Variants in BCAS3 observed in about 807,000 individuals in gnomAD.
BCAS3 encodes the protein BCAS4/BCAS3 fusion.
A neutral mutation model predicts 116.1 loss-of-function variants in BCAS3; 53 were observed. That is an observed-to-expected ratio of 0.46 (90% CI 0.37 to 0.57). BCAS3 has a LOEUF of 0.57. BCAS3 is among the 20% of genes least tolerant of loss of function. The pLI, the probability that BCAS3 is intolerant of heterozygous loss-of-function variation, is 0.00. For synonymous variants in BCAS3, 391 were observed against 408.2 expected (o/e 0.96, Z 0.51); for missense variants, 917 against 1,165.4 (o/e 0.79, Z 3.10).
At chr17:60,908,718 A>ACTGT (rs2058325608) in intron 11 of BCAS3, among the ~76,000 whole-genome samples, 2 of 152,204 alleles carry the variant, frequency 1.3e-5, no homozygotes, top group African/African-American at 4.8e-5. Context: ...TTTTAGCACT[A>ACTGT]AACAAAACAG....
Position 61,248,267 on chromosome 17 carries a change from T to C in BCAS3, c.2426-120060T>C, listed in dbSNP as rs72832600. ...ACTGGAGCACATAAAGGCCTGATTT[T>C]TTCTTCTGAGTTGGATTGGATGGTT... On this transcript the variant is annotated intron_variant, in intron 22 of 23. Transcript: ENST00000407086. The surrounding 1 kb of genome is among the most constrained non-coding windows in gnomAD (Gnocchi z 4.3). 0.02 allele frequency among the ~76,000 whole-genome samples: 3,060 copies of C among 152,296 alleles called. 50 individuals carry two copies. Among genetic ancestry groups the C allele is most frequent in the East Asian group, 0.1 (523 of 5,186 alleles).
intron 13 of BCAS3, among the ~76,000 whole-genome samples, chr17:60,945,170 T>A (rs748308663): frequency 1.2e-4 from 18 of 152,166 alleles, no homozygotes; most frequent in Non-Finnish European, 1.8e-4. Context: ...TTGATCATTT[T>A]AAAAAATATT....
intron 14 of BCAS3, among the ~76,000 whole-genome samples, chr17:60,983,862 G>A (rs1362599858): frequency 6.6e-6 from 1 of 151,962 alleles, no homozygotes; most frequent in South Asian, 2.1e-4. Context: ...AATTTCTTCC[G>A]GTACTATATT....
At chr17:60,945,539 G>A (rs566682375) in intron 13 of BCAS3, among the ~76,000 whole-genome samples, 10 of 152,256 alleles carry the variant, frequency 6.6e-5, no homozygotes, top group South Asian at 2.1e-4. Flanking sequence ...GGTAGTTCAC[G>A]CCTGTAATCC....
In BCAS3 at chr17:61,067,734, A is replaced by C. The variant is rs992706462; in HGVS notation, c.2030-7186A>C. ...CATCTCAAACAAACAAACAAAAAAA[A>C]AAAAAAATATATATATATATATAGA... On this transcript the variant is annotated intron_variant, in intron 19 of 23. Transcript: ENST00000407086. 4.8e-3 allele frequency among the ~76,000 whole-genome samples: 674 copies of C among 139,372 alleles called. 3 individuals are homozygous for C. The highest frequency in any genetic ancestry group is 0.011 in the African/African-American group (352 of 32,264). 91.4% of individuals were successfully genotyped at this position (139,372 alleles called of 152,430 possible).
chr17:60,839,650 G>A (rs753363232), intron 7 of BCAS3, among the ~76,000 whole-genome samples: 3 of 151,694 alleles, frequency 2.0e-5, no homozygotes, highest in Non-Finnish European at 4.4e-5. Flanking sequence ...AGACCAACTG[G>A]CTTTTGTTCT....
intron 22 of BCAS3, among the ~76,000 whole-genome samples, chr17:61,210,929 A>G (rs1475724482): frequency 6.6e-6 from 1 of 152,126 alleles, no homozygotes; most frequent in Non-Finnish European, 1.5e-5. Context: ...CAGTCTTTTC[A>G]GATAGAGTCT....
At position 61,043,766 on chromosome 17, in the gene BCAS3, C is replaced by T. The variant is rs982122370; in HGVS notation, c.2029+2874C>T. ...GGATATAGGCTCTGTCCACCCACAA[C>T]TCTGAATGAATGAATACAAATTATT... On this transcript the variant is annotated intron_variant, in intron 19 of 23. Coordinates refer to ENST00000407086, the MANE Select transcript of BCAS3 (RefSeq NM_017679.5). Among the ~76,000 whole-genome samples, 3 of 152,142 alleles carry T rather than the reference C, an allele frequency of 2.0e-5. No homozygotes were observed. In the South Asian group the frequency reaches 6.2e-4, roughly 32 times the overall value.
chr17:60,741,217 G>A (rs1465875048), intron 5 of BCAS3, among the ~76,000 whole-genome samples: 1 of 152,146 alleles, frequency 6.6e-6, no homozygotes. Flanking sequence ...TTTTCTGACG[G>A]ATGTAAGAAG....
chr17:61,159,764 A>T (rs534879973), intron 22 of BCAS3, among the ~76,000 whole-genome samples: 1 of 152,318 alleles, frequency 6.6e-6, no homozygotes, highest in African/African-American at 2.4e-5. Context: ...CTCTACCTGT[A>T]ATGTAACATT....
chr17:60,710,667 G>C (rs565791869), intron 5 of BCAS3, among the ~76,000 whole-genome samples: 2 of 151,982 alleles, frequency 1.3e-5, no homozygotes, highest in East Asian at 1.9e-4. Flanking sequence ...TGCTGACCTC[G>C]TGATCCGCCC....
chr17:60,751,667 C>T (rs893416944), intron 6 of BCAS3, among the ~76,000 whole-genome samples: 18 of 152,080 alleles, frequency 1.2e-4, no homozygotes, highest in East Asian at 5.8e-4. Flanking sequence ...CTCAGCCTCC[C>T]GAGTAGCTGG....
intron 5 of BCAS3, among the ~76,000 whole-genome samples, chr17:60,738,894 T>G (rs2144211042): frequency 6.6e-6 from 1 of 152,318 alleles, no homozygotes; most frequent in Middle Eastern, 3.4e-3. Flanking sequence ...TAGCAAGCCA[T>G]CATGACTGGC....
At chr17:61,289,824 T>G (rs1447698151) in intron 22 of BCAS3, among the ~76,000 whole-genome samples, 2 of 152,170 alleles carry the variant, frequency 1.3e-5, no homozygotes, top group Non-Finnish European at 2.9e-5. Flanking sequence ...AATAACTGTT[T>G]AGGGAGTAAG....
At chr17:60,763,027 A>G (rs2043697307) in intron 6 of BCAS3, among the ~76,000 whole-genome samples, 1 of 152,074 alleles carries the variant, frequency 6.6e-6, no homozygotes, top group Non-Finnish European at 1.5e-5. Context: ...AATGCTTGTG[A>G]TTTTTGCACA....
In BCAS3 at chr17:61,118,151, C is replaced by G. The variant is rs1287115386; in HGVS notation, c.2425+33587C>G. Among the ~76,000 whole-genome samples, 1 of 152,110 alleles carries G rather than the reference C, an allele frequency of 6.6e-6. No homozygotes were observed. Among genetic ancestry groups the G allele is most frequent in the Non-Finnish European group, 1.5e-5 (1 of 68,022 alleles). On this transcript the variant is annotated intron_variant, in intron 22 of 23. Coordinates refer to ENST00000407086, the MANE Select transcript of BCAS3 (RefSeq NM_017679.5). The surrounding 1 kb of genome is among the most constrained non-coding windows in gnomAD (Gnocchi z 5.0). ...AACCTTCGGTTTTAAGGGGCTTTCT[C>G]TGGTATCACAATGGCAGGGGAAGTA... is the stretch of plus-strand genomic sequence containing the variant.
chr17:61,010,852 A>C (rs1232535106), intron 15 of BCAS3, among the ~76,000 whole-genome samples: 1 of 152,056 alleles, frequency 6.6e-6, no homozygotes, highest in Non-Finnish European at 1.5e-5. Flanking sequence ...AAGACCCAAA[A>C]GCCTGAGGCT....
At chr17:60,694,292 A>T (rs2035285969) in intron 4 of BCAS3, among the ~76,000 whole-genome samples, 1 of 151,882 alleles carries the variant, frequency 6.6e-6, no homozygotes, top group South Asian at 2.1e-4. Flanking sequence ...CACAAGGTCA[A>T]GAGATCAGGA....
Position 61,016,017 on chromosome 17 carries a change from A to G in BCAS3, c.1637+116A>G, listed in dbSNP as rs1244244377. On this transcript the variant is annotated intron_variant, in intron 16 of 23. Coordinates refer to ENST00000407086, the MANE Select transcript of BCAS3 (RefSeq NM_017679.5). ...ATTATGTTCTTCATTTCCAGCTCAA[A>G]TAAGACTTAATGGCATCAGATTAAG... 1.5e-5 allele frequency: 16 copies of G among 1,091,942 alleles called. 1 individual carries two copies. The highest frequency in any genetic ancestry group is 2.0e-5 in the Non-Finnish European group (15 of 752,358). 67.6% of individuals were successfully genotyped at this position (1,091,942 alleles called of 1,614,324 possible).
Sources: gnomAD v4.1 joint callset for allele counts (sites outside exome capture counted in the v4.1 genomes callset) on GRCh38, gnomAD v4.1.1 for gene constraint, Gnocchi (gnomAD v3.1) non-coding constraint, MANE v1.5 for transcripts, NCBI Gene and HGNC (gene_info 2026-07-23, HGNC 2026-07-21) for gene names.